CCDC149: variants seen among roughly 807,000 people sequenced by gnomAD.
CCDC149 encodes the protein coiled-coil domain containing 149.
In CCDC149, 45 loss-of-function variants were observed where a neutral mutation model predicts 59.9. That is an observed-to-expected ratio of 0.75 (90% confidence interval 0.59 to 0.96). CCDC149 has a LOEUF of 0.96. Among genes scored for constraint, CCDC149 ranks in the 40% least tolerant of loss-of-function variants. CCDC149 has a pLI of 0.00. For synonymous variants in CCDC149, 245 were observed against 260.6 expected (o/e 0.94, Z 0.58); for missense variants, 584 against 664.7 (o/e 0.88, Z 1.33).
At chr4:24,945,624 CTT>C (rs33977689) in intron 1 of CCDC149, among the ~76,000 whole-genome samples, 29 of 141,672 alleles carry the variant, frequency 2.0e-4, no homozygotes, top group Admixed American at 2.1e-4. Flanking sequence ...TATGCCCTAA[CTT>C]TTTTTTTTTT....
intron 1 of CCDC149, among the ~76,000 whole-genome samples, chr4:24,901,635 C>G (rs1721175544): frequency 6.6e-6 from 1 of 152,184 alleles, no homozygotes; most frequent in Admixed American, 6.5e-5. Flanking sequence ...ATGAAGATAG[C>G]TGCTCATCGA....
downstream of CCDC149, among the ~76,000 whole-genome samples, chr4:24,805,090 C>G (rs1456570942): frequency 6.6e-6 from 1 of 152,084 alleles, no homozygotes; most frequent in East Asian, 1.9e-4. Flanking sequence ...CTTCTACAGG[C>G]CTTAATCAAA....
chr4:24,825,014 C>G (rs896076247), intron 9 of CCDC149, among the ~76,000 whole-genome samples: 1 of 152,152 alleles, frequency 6.6e-6, no homozygotes, highest in East Asian at 1.9e-4. Flanking sequence ...TATGACGCAG[C>G]CCAGGGAGAG....
intron 1 of CCDC149, among the ~76,000 whole-genome samples, chr4:24,882,400 T>C (rs1719903135): frequency 1.3e-5 from 2 of 152,232 alleles, no homozygotes; most frequent in South Asian, 4.1e-4. Flanking sequence ...GGCCTCATTA[T>C]TCAGTCAAAT....
At chr4:24,882,156 G>C (rs926629806) in intron 1 of CCDC149, among the ~76,000 whole-genome samples, 4 of 152,140 alleles carry the variant, frequency 2.6e-5, no homozygotes, top group Non-Finnish European at 5.9e-5. Flanking sequence ...TAAAACTAGT[G>C]GGTCTGCCAC....
At chr4:24,824,877 T>C (rs373464299) in intron 9 of CCDC149, among the ~76,000 whole-genome samples, 404 of 152,334 alleles carry the variant, frequency 2.7e-3, no homozygotes, top group Non-Finnish European at 2.1e-3. Context: ...TTAAAAACTG[T>C]TCATGTTGAA....
chr4:24,909,898 T>C (rs1159788643), intron 1 of CCDC149, among the ~76,000 whole-genome samples: 1 of 152,222 alleles, frequency 6.6e-6, no homozygotes, highest in Non-Finnish European at 1.5e-5. Flanking sequence ...CCCAGTCATG[T>C]GGAACAGCAG....
chr4:24,934,695 G>A (rs1257602471), intron 1 of CCDC149, among the ~76,000 whole-genome samples: 4 of 152,224 alleles, frequency 2.6e-5, no homozygotes, highest in African/African-American at 9.6e-5. Context: ...CCTGAATGAA[G>A]TGAGTGGTTG....
chr4:24,842,215 G>A (rs893340656), intron 4 of CCDC149, among the ~76,000 whole-genome samples: 13 of 152,154 alleles, frequency 8.5e-5, no homozygotes, highest in Admixed American at 8.5e-4. Flanking sequence ...AGGCCCTGGA[G>A]CATATAATGT....
chr4:24,862,339 T>A (rs562324404), intron 3 of CCDC149, among the ~76,000 whole-genome samples: 1 of 152,184 alleles, frequency 6.6e-6, no homozygotes, highest in East Asian at 1.9e-4. Flanking sequence ...AGAACTTCTG[T>A]CTGTGGTAAC....
chr4:24,842,720 C>T (rs1252249005), intron 4 of CCDC149, among the ~76,000 whole-genome samples: 1 of 152,220 alleles, frequency 6.6e-6, no homozygotes, highest in Non-Finnish European at 1.5e-5. Context: ...GCCCCCAACT[C>T]TGCCAAGGGC....
rs1683083531 is a variant in CCDC149, at chr4:24,807,816, C to A, written c.*573G>T. 6.6e-6 allele frequency: 1 copy of A among 152,264 alleles called. No homozygotes were observed. The highest frequency in any genetic ancestry group is 2.4e-5 in the African/African-American group (1 of 41,440). 9.4% of individuals were successfully genotyped at this position (152,264 alleles called of 1,614,324 possible). ...GCCGGCTTAAGGCCCCTTCCAACTG[C>A]CAGTCTGTACCACGACAGCAGTGCT... On this transcript the variant is annotated 3_prime_UTR_variant, in exon 13 of 13. Transcript: ENST00000635206.
intron 1 of CCDC149, among the ~76,000 whole-genome samples, chr4:24,907,281 C>T (rs906378750): frequency 5.9e-5 from 9 of 152,072 alleles, no homozygotes; most frequent in South Asian, 4.1e-4. Flanking sequence ...TATTTAAAGA[C>T]GAGAAAAATG....
intron 3 of CCDC149, among the ~76,000 whole-genome samples, chr4:24,858,253 T>C (rs1291482941): frequency 1.3e-5 from 2 of 152,186 alleles, no homozygotes; most frequent in African/African-American, 4.8e-5. Flanking sequence ...AACAGCACTA[T>C]GTAAAGGAAA....
intron 3 of CCDC149, among the ~76,000 whole-genome samples, chr4:24,857,324 C>A (rs1718074122): frequency 6.6e-6 from 1 of 152,092 alleles, no homozygotes; most frequent in Non-Finnish European, 1.5e-5. Context: ...AAATGAGTTA[C>A]TAGGCAAATA....
downstream of CCDC149, among the ~76,000 whole-genome samples, chr4:24,804,665 G>C (rs1714066350): frequency 1.3e-5 from 2 of 152,114 alleles, no homozygotes; most frequent in African/African-American, 2.4e-5. Flanking sequence ...GCTGGTCTTT[G>C]TCATTCCTTA....
chr4:24,870,913 C>T (rs1369322543), intron 3 of CCDC149, among the ~76,000 whole-genome samples: 6 of 151,816 alleles, frequency 4.0e-5, no homozygotes, highest in East Asian at 1.9e-4. Flanking sequence ...GGCATGGTGG[C>T]GGGTGCCTGT....
In CCDC149 at chr4:24,834,962, A is replaced by G; in HGVS notation, c.806T>C (p.Leu269Pro). 1 of 1,613,652 alleles carries G rather than the reference A, an allele frequency of 6.2e-7. No individual in the cohort carries two copies. Among genetic ancestry groups the G allele is most frequent in the Non-Finnish European group, 8.5e-7 (1 of 1,179,648 alleles). Residue 269 changes from leucine (L) to proline (P), a missense_variant, in exon 8 of 13, where the codon CTG (leucine) becomes CCG (proline). By Grantham distance (98) the Leu-to-Pro change is moderately conservative (BLOSUM62 -3). Transcript: ENST00000635206. ...TGATATCCTACCTTGCTTTGCAGAC[A>G]GGACTCCTGTCAGAGCACTGCTGCT...
chr4:24,926,542 G>C (rs1462590234), intron 1 of CCDC149, among the ~76,000 whole-genome samples: 1 of 152,112 alleles, frequency 6.6e-6, no homozygotes, highest in African/African-American at 2.4e-5. Context: ...ACATGTTTCT[G>C]TTTTCTGTTA....
Sources: gnomAD v4.1 joint callset for allele counts (sites outside exome capture counted in the v4.1 genomes callset) on GRCh38, gnomAD v4.1.1 for gene constraint, MANE v1.5 for transcripts, NCBI Gene and HGNC (gene_info 2026-07-23, HGNC 2026-07-21) for gene names.